DLGAP2: variants seen among roughly 807,000 people sequenced by gnomAD.
DLGAP2 encodes the protein disks large-associated protein 2.
Under a neutral mutation model 100.3 loss-of-function variants are expected in DLGAP2, and 26 were observed. That is an observed-to-expected ratio of 0.26 (90% CI 0.19 to 0.36). The LOEUF (loss-of-function observed/expected upper bound fraction) is 0.36, where lower values mean the gene tolerates loss of function less well. Among genes scored for constraint, DLGAP2 ranks in the 10% least tolerant of loss-of-function variants. The pLI is 1.00. For synonymous variants in DLGAP2, 886 were observed against 630.1 expected, an observed-to-expected ratio of 1.41 and a Z score of -6.08; for missense variants, 1,858 against 1,453.2, an observed-to-expected ratio of 1.28 and a Z score of -4.53.
intron 2 of DLGAP2, among the ~76,000 whole-genome samples, chr8:986,094 G>C (rs925988052): frequency 6.6e-6 from 1 of 152,102 alleles, no homozygotes; most frequent in African/African-American, 2.4e-5. Context: ...CACGTTATTA[G>C]GGGGGAGTAT....
intron 2 of DLGAP2, among the ~76,000 whole-genome samples, chr8:913,023 G>A (rs1584884792): frequency 6.6e-6 from 1 of 152,218 alleles, no homozygotes; most frequent in East Asian, 1.9e-4. Flanking sequence ...ATGAAATATT[G>A]GATTGAAATG....
At chr8:1,677,319 A>G (rs1798833952) in intron 11 of DLGAP2, among the ~76,000 whole-genome samples, 1 of 152,070 alleles carries the variant, frequency 6.6e-6, no homozygotes, top group African/African-American at 2.4e-5. Flanking sequence ...ACCTCCTAGA[A>G]CCTGGCCATC....
Position 1,346,844 on chromosome 8 carries a change from A to G in DLGAP2, c.106+87961A>G, listed in dbSNP as rs572786593. On this transcript the variant is annotated intron_variant, in intron 3 of 14. Transcript: ENST00000637795. ...TCCCATACAGAGCTGCATTGCACTC[A>G]TGGTAGCTGTGTGGAGGTTGAGTTC... is the stretch of plus-strand genomic sequence containing the variant. Among the ~76,000 whole-genome samples the G allele has an allele frequency of 9.3e-5, 14 of 151,112 alleles. No individual in the cohort carries two copies. The South Asian group carries it at 2.9e-3, about 32-fold the overall frequency.
At chr8:1,601,945 GGTGTGTGTGTGTGTGT>G (rs55762722) in intron 6 of DLGAP2, among the ~76,000 whole-genome samples, 1 of 146,348 alleles carries the variant, frequency 6.8e-6, no homozygotes, top group Admixed American at 6.8e-5. Flanking sequence ...AATTTAACAG[GGTGTGTGTGTGTGTGT>G]GTGTGTGTGT....
chr8:1,551,973 C>T (rs975335554), intron 5 of DLGAP2, among the ~76,000 whole-genome samples: 144 of 152,266 alleles, frequency 9.5e-4, no homozygotes, highest in Non-Finnish European at 7.6e-4. Context: ...CGAGGTTTCT[C>T]CTCTCTTTCC....
chr8:1,175,731 C>G (rs1797238512), intron 2 of DLGAP2, among the ~76,000 whole-genome samples: 2 of 152,198 alleles, frequency 1.3e-5, no homozygotes, highest in African/African-American at 4.8e-5. Flanking sequence ...TTGACCTGCT[C>G]TGTGTGAATG....
intron 1 of DLGAP2, among the ~76,000 whole-genome samples, chr8:748,758 G>A (rs1820716317): frequency 1.3e-5 from 2 of 152,180 alleles, no homozygotes; most frequent in Non-Finnish European, 2.9e-5. Flanking sequence ...CCTCTGCAGT[G>A]GACTGGGATG....
intron 3 of DLGAP2, among the ~76,000 whole-genome samples, chr8:1,268,752 T>G (rs1799520574): frequency 6.6e-6 from 1 of 152,224 alleles, no homozygotes; most frequent in Non-Finnish European, 1.5e-5. Flanking sequence ...TTTAAAAATT[T>G]AAAAACATTT....
chr8:1,239,949 C>T (rs1266375673), intron 2 of DLGAP2, among the ~76,000 whole-genome samples: 5 of 138,384 alleles, frequency 3.6e-5, no homozygotes, highest in East Asian at 4.7e-4. Flanking sequence ...CACATGTTGC[C>T]GTGTCTAGTT....
chr8:1,409,663 G>A (rs76341376), intron 3 of DLGAP2, among the ~76,000 whole-genome samples: 3,199 of 152,296 alleles, frequency 0.021, 123 homozygotes, highest in African/African-American at 0.071. Context: ...AAGGACCAGC[G>A]TTTGAATCAG....
At chr8:954,253 A>G (rs998243230) in intron 2 of DLGAP2, among the ~76,000 whole-genome samples, 5 of 152,184 alleles carry the variant, frequency 3.3e-5, no homozygotes, top group African/African-American at 1.2e-4. Flanking sequence ...TGTGCGCAAT[A>G]CAGTATTATT....
chr8:1,569,015 T>C (rs961552493), intron 6 of DLGAP2, among the ~76,000 whole-genome samples: 13 of 144,138 alleles, frequency 9.0e-5, no homozygotes, highest in Non-Finnish European at 1.9e-4. Context: ...CACTGTCCAC[T>C]CAGCAGACAC....
intron 3 of DLGAP2, among the ~76,000 whole-genome samples, chr8:1,290,856 C>T (rs979104120): frequency 6.6e-6 from 1 of 152,158 alleles, no homozygotes; most frequent in Non-Finnish European, 1.5e-5. Flanking sequence ...TTACTTTTTG[C>T]TATTGTGGAA....
chr8:889,091 A>G (rs1300109080), intron 1 of DLGAP2, among the ~76,000 whole-genome samples: 2 of 152,206 alleles, frequency 1.3e-5, no homozygotes, highest in Non-Finnish European at 2.9e-5. Flanking sequence ...CAAGGTGCTC[A>G]GTAGGGGAGC....
At chr8:1,563,000 C>T (rs13280246) in intron 5 of DLGAP2, among the ~76,000 whole-genome samples, 27 of 53,920 alleles carry the variant, frequency 5.0e-4, no homozygotes, top group East Asian at 1.2e-3. Context: ...GGGGTGTCCG[C>T]GCCTCGTTGC....
intron 2 of DLGAP2, among the ~76,000 whole-genome samples, chr8:1,053,002 C>T (rs1311425168): frequency 6.6e-6 from 1 of 152,172 alleles, no homozygotes; most frequent in Non-Finnish European, 1.5e-5. Context: ...AATTTGCTAA[C>T]ATTTCTCATC....
chr8:1,544,618 CATTG>C (rs1801470009), intron 4 of DLGAP2, among the ~76,000 whole-genome samples: 1 of 152,252 alleles, frequency 6.6e-6, no homozygotes, highest in Admixed American at 6.5e-5. Context: ...TGATTTATTA[CATTG>C]ATTGATTTTC....
chr8:1,196,113 C>G (rs979252155), intron 2 of DLGAP2, among the ~76,000 whole-genome samples: 3 of 152,192 alleles, frequency 2.0e-5, no homozygotes, highest in Non-Finnish European at 4.4e-5. Context: ...ATCCAGGGCC[C>G]CGTCACATTT....
At chr8:1,630,570 C>T (rs1010219148) in intron 7 of DLGAP2, among the ~76,000 whole-genome samples, 3 of 152,002 alleles carry the variant, frequency 2.0e-5, no homozygotes, top group Admixed American at 6.6e-5. Context: ...GGCATGGTAG[C>T]GGGCACCTGT....
Sources: allele counts gnomAD v4.1 joint callset (sites outside exome capture counted in the v4.1 genomes callset), GRCh38; gene constraint gnomAD v4.1.1; transcripts MANE v1.5; gene names NCBI Gene and HGNC (gene_info 2026-07-23, HGNC 2026-07-21).